RANBP17: variants seen among roughly 807,000 people sequenced by gnomAD.
The protein encoded by RANBP17 is RAN binding protein 17.
RANBP17 carries 158 observed loss-of-function variants against 141.2 expected under a neutral mutation model. The ratio of observed to expected loss-of-function variants is 1.12; its 90% CI spans 0.98 to 1.28. RANBP17 has a LOEUF of 1.28. Ranked by LOEUF, RANBP17 falls within the 50% of genes most tolerant of loss-of-function variation. The pLI, the probability that RANBP17 is intolerant of heterozygous loss-of-function variation, is 0.00. For synonymous variants in RANBP17, 430 were observed against 450.0 expected, an observed-to-expected ratio of 0.96 and a Z score of 0.56; for missense variants, 1,438 against 1,290.7, an observed-to-expected ratio of 1.11 and a Z score of -1.75.
At chr5:171,112,986 TG>T (rs1755354474) in intron 14 of RANBP17, among the ~76,000 whole-genome samples, 1 of 152,134 alleles carries the variant, frequency 6.6e-6, no homozygotes, top group Non-Finnish European at 1.5e-5. Context: ...CTTTAAAACT[TG>T]GGGATAAAAA....
At chr5:170,988,457 A>T (rs1447161488) in intron 14 of RANBP17, among the ~76,000 whole-genome samples, 2 of 151,452 alleles carry the variant, frequency 1.3e-5, no homozygotes, top group African/African-American at 2.4e-5. Context: ...TACCAAGTAG[A>T]TGTACTTTGA....
chr5:171,162,155 G>A (rs1028094992), intron 14 of RANBP17, among the ~76,000 whole-genome samples: 1 of 152,150 alleles, frequency 6.6e-6, no homozygotes, highest in Non-Finnish European at 1.5e-5. Flanking sequence ...GGCTTGGGGA[G>A]ATAATATATT....
At chr5:171,065,863 A>G (rs1347935448) in intron 14 of RANBP17, among the ~76,000 whole-genome samples, 1 of 150,766 alleles carries the variant, frequency 6.6e-6, no homozygotes, top group African/African-American at 2.4e-5. Flanking sequence ...TCTTGTGTTT[A>G]TTTTTATTAT....
intron 7 of RANBP17, among the ~76,000 whole-genome samples, chr5:170,913,947 C>T (rs1292758123): frequency 1.3e-5 from 2 of 151,948 alleles, no homozygotes; most frequent in Non-Finnish European, 2.9e-5. Context: ...TGTAGTGCTA[C>T]ATAGAGGAAG....
chr5:171,138,539 CAAAAAA>C (rs532709660), intron 14 of RANBP17, among the ~76,000 whole-genome samples: 1 of 98,014 alleles, frequency 1.0e-5, no homozygotes, highest in Non-Finnish European at 2.2e-5. Context: ...TTCCCTACTG[CAAAAAA>C]AAAAAAAAAA....
At chr5:171,202,923 T>C (rs555177359) in intron 19 of RANBP17, among the ~76,000 whole-genome samples, 2 of 152,186 alleles carry the variant, frequency 1.3e-5, no homozygotes, top group Non-Finnish European at 2.9e-5. Flanking sequence ...TGTGAGACTT[T>C]CCATTAGAAA....
At chr5:171,178,570 G>A (rs947480094) in intron 16 of RANBP17, among the ~76,000 whole-genome samples, 4 of 152,052 alleles carry the variant, frequency 2.6e-5, no homozygotes, top group South Asian at 2.1e-4. Flanking sequence ...GGTATTTCTG[G>A]TTCTAGATCC....
chr5:171,233,558 TAAAA>T (rs570006111), intron 22 of RANBP17, among the ~76,000 whole-genome samples: 2 of 150,714 alleles, frequency 1.3e-5, no homozygotes, highest in Non-Finnish European at 3.0e-5. Flanking sequence ...TATTCAGCAC[TAAAA>T]AAAAATAAAT....
Position 170,968,376 on chromosome 5 carries a change from A to G in RANBP17, c.1709A>G (p.Lys570Arg), listed in dbSNP as rs1776743046. 3 of 1,603,622 alleles carry G rather than the reference A, an allele frequency of 1.9e-6. No individual in the cohort carries two copies. The highest frequency in any genetic ancestry group is 3.5e-5 in the Admixed American group (2 of 57,922). The change falls in exon 14 of 28, where the codon AAG becomes AGG. Residue 570 changes from lysine (K) to arginine (R), a missense_variant and splice_region_variant. Physicochemically the swap from Lys to Arg is conservative, Grantham distance 26. Transcript: ENST00000523189. ...GGTGATCAACTTCAAAGAACCTCAA[A>G]GGTAGGTTTCTACTAGAGAGTTTAA... is the stretch of plus-strand genomic sequence containing the variant. ...YVGDQLQRTS[K>R]VYARMSEVLG... is the part of the protein sequence containing the mutation.
chr5:170,966,460 A>C (rs1776573209), intron 13 of RANBP17, among the ~76,000 whole-genome samples: 1 of 152,194 alleles, frequency 6.6e-6, no homozygotes, highest in Non-Finnish European at 1.5e-5. Context: ...TTATCTCAAT[A>C]GATGCAGAAA....
intron 16 of RANBP17, among the ~76,000 whole-genome samples, chr5:171,176,974 T>G (rs539470503): frequency 6.6e-6 from 1 of 152,330 alleles, no homozygotes; most frequent in Admixed American, 6.5e-5. Flanking sequence ...TTACAGGAAC[T>G]ATTTAGCAAT....
chr5:170,892,091 C>G (rs1769669981), intron 3 of RANBP17, among the ~76,000 whole-genome samples: 1 of 148,728 alleles, frequency 6.7e-6, no homozygotes, highest in Non-Finnish European at 1.5e-5. Flanking sequence ...TTTTTTGTAA[C>G]AAATACTGCA....
intron 14 of RANBP17, among the ~76,000 whole-genome samples, chr5:171,113,606 T>C (rs191807415): frequency 7.3e-4 from 111 of 152,254 alleles, no homozygotes; most frequent in African/African-American, 2.5e-3. Context: ...ATTTTACAGA[T>C]AAGGAAATTG....
chr5:171,188,743 T>C (rs1421598181), intron 18 of RANBP17, among the ~76,000 whole-genome samples: 1 of 152,204 alleles, frequency 6.6e-6, no homozygotes, highest in East Asian at 1.9e-4. Flanking sequence ...GAACCCACTA[T>C]GTATCTGTGG....
At chr5:170,938,204 TTAGGCCGG>T (rs1774045501) in intron 12 of RANBP17, among the ~76,000 whole-genome samples, 1 of 152,196 alleles carries the variant, frequency 6.6e-6, no homozygotes, top group African/African-American at 2.4e-5. Flanking sequence ...TGACAAAGCC[TTAGGCCGG>T]TAGCAAGATA....
chr5:170,976,338 G>A (rs962354105), intron 14 of RANBP17, among the ~76,000 whole-genome samples: 1 of 152,048 alleles, frequency 6.6e-6, no homozygotes, highest in African/African-American at 2.4e-5. Context: ...AAATTAAAGG[G>A]GATGTAATAA....
intron 14 of RANBP17, among the ~76,000 whole-genome samples, chr5:170,975,924 G>A (rs1237105950): frequency 1.3e-5 from 2 of 151,944 alleles, no homozygotes; most frequent in African/African-American, 2.4e-5. Flanking sequence ...AGTAAGACAA[G>A]CATGGCTACT....
rs373873602 is a variant in RANBP17, at chr5:171,218,153, T to C, written c.2340-3605T>C. Among the ~76,000 whole-genome samples, 194 of 152,296 alleles carry C rather than the reference T, an allele frequency of 1.3e-3. 9 individuals carry two copies. In the South Asian group the frequency reaches 0.039, roughly 30 times the overall value. On this transcript the variant is annotated intron_variant, in intron 21 of 27. Transcript: ENST00000523189. ...TGCCTTAATTTTGTTATTTACCCAGTAGTCATTCAGGAGCAGGTTGTTCAG... is the reference window on the plus strand; with the variant it reads ...TGCCTTAATTTTGTTATTTACCCAGCAGTCATTCAGGAGCAGGTTGTTCAG...
chr5:171,016,928 G>A (rs115067451), intron 14 of RANBP17, among the ~76,000 whole-genome samples: 2,686 of 46,558 alleles, frequency 0.058, 83 homozygotes, highest in African/African-American at 0.18. Context: ...AACAGGCCCT[G>A]GCATGTGTTG....
Sources: allele counts gnomAD v4.1 joint callset (sites outside exome capture counted in the v4.1 genomes callset), GRCh38; gene constraint gnomAD v4.1.1; transcripts MANE v1.5; gene names NCBI Gene and HGNC (gene_info 2026-07-23, HGNC 2026-07-21).